The following NCKAP5 variants were observed in gnomAD, a reference collection of about 807,000 sequenced individuals.
NCKAP5 encodes the protein nck-associated protein 5.
Under a neutral mutation model 167.0 loss-of-function variants are expected in NCKAP5, and 92 were observed. The ratio of observed to expected loss-of-function variants is 0.55; its 90% confidence interval spans 0.47 to 0.66. The LOEUF (loss-of-function observed/expected upper bound fraction) is 0.66, where lower values mean the gene tolerates loss of function less well. Among genes scored for constraint, NCKAP5 ranks in the 30% least tolerant of loss-of-function variants. The pLI is 0.00. For synonymous variants in NCKAP5, 891 were observed against 877.4 expected (o/e 1.02, Z -0.27); for missense variants, 2,378 against 2,315.0 (o/e 1.03, Z -0.56).
intron 5 of NCKAP5, among the ~76,000 whole-genome samples, chr2:133,156,817 A>G (rs2083594516): frequency 6.6e-6 from 1 of 152,102 alleles, no homozygotes; most frequent in Non-Finnish European, 1.5e-5. Context: ...GTCTCTATTT[A>G]ACAGCTTCTT....
chr2:133,191,208 C>A (rs2085203476), intron 5 of NCKAP5, among the ~76,000 whole-genome samples: 1 of 152,094 alleles, frequency 6.6e-6, no homozygotes, highest in Admixed American at 6.5e-5. Flanking sequence ...AAATGCAAAT[C>A]AAAACCACAA....
chr2:132,682,827 T>C (rs2105051312), intron 19 of NCKAP5, among the ~76,000 whole-genome samples: 1 of 152,290 alleles, frequency 6.6e-6, no homozygotes, highest in Admixed American at 6.5e-5. Context: ...TTTCTTAACC[T>C]TTCTGAGTCT....
At chr2:132,709,783 T>C (rs944452619) in intron 19 of NCKAP5, among the ~76,000 whole-genome samples, 1 of 152,144 alleles carries the variant, frequency 6.6e-6, no homozygotes, top group Non-Finnish European at 1.5e-5. Context: ...TAAATCATTC[T>C]AACTTATACA....
At chr2:133,308,900 C>T (rs1325458029) in intron 3 of NCKAP5, among the ~76,000 whole-genome samples, 2 of 148,764 alleles carry the variant, frequency 1.3e-5, no homozygotes, top group Non-Finnish European at 3.0e-5. Context: ...TTAGTAGAGA[C>T]GGGGTTTCAC....
the NCKAP5 span, among the ~76,000 whole-genome samples, chr2:133,581,415 C>T: frequency 6.6e-6 from 1 of 152,160 alleles, no homozygotes; most frequent in African/African-American, 2.4e-5. Flanking sequence ...GGTGGAATCT[C>T]AATGGCTGTC....
chr2:133,611,079 G>C, the NCKAP5 span, among the ~76,000 whole-genome samples: 1 of 151,750 alleles, frequency 6.6e-6, no homozygotes, highest in South Asian at 2.1e-4. Flanking sequence ...CCAGAGAAGT[G>C]ACCTTGGATT....
At chr2:133,283,289 G>GT (rs966249741) in intron 4 of NCKAP5, among the ~76,000 whole-genome samples, 5 of 151,510 alleles carry the variant, frequency 3.3e-5, no homozygotes, top group Admixed American at 1.3e-4. Context: ...AGGAGAAATA[G>GT]TTTTTTTTTA....
At chr2:133,049,028 A>G (rs1422619945) in intron 6 of NCKAP5, among the ~76,000 whole-genome samples, 1 of 152,218 alleles carries the variant, frequency 6.6e-6, no homozygotes, top group Admixed American at 6.5e-5. Context: ...ACTTCCATTC[A>G]TTTATAAGAG....
At chr2:132,722,575 C>T (rs1329536330) in intron 19 of NCKAP5, among the ~76,000 whole-genome samples, 2 of 152,134 alleles carry the variant, frequency 1.3e-5, no homozygotes, top group African/African-American at 2.4e-5. Context: ...GCTTCAAATG[C>T]GGTTGATGTG....
chr2:133,618,247 A>C, the NCKAP5 span, among the ~76,000 whole-genome samples: 3 of 151,592 alleles, frequency 2.0e-5, no homozygotes, highest in South Asian at 2.1e-4. Flanking sequence ...GGCATGGGCA[A>C]GGACTTCATG....
intron 6 of NCKAP5, among the ~76,000 whole-genome samples, chr2:133,032,110 G>A (rs1054819250): frequency 6.6e-6 from 1 of 152,084 alleles, no homozygotes; most frequent in African/African-American, 2.4e-5. Flanking sequence ...AAAGGGCTTT[G>A]TCTTGTACCT....
At chr2:133,128,632 T>C (rs1443085356) in intron 6 of NCKAP5, among the ~76,000 whole-genome samples, 3 of 152,100 alleles carry the variant, frequency 2.0e-5, no homozygotes, top group African/African-American at 7.2e-5. Context: ...GAATCTTGCT[T>C]TGTTGCCGAG....
intron 3 of NCKAP5, among the ~76,000 whole-genome samples, chr2:133,387,411 A>C (rs1687063912): frequency 6.6e-6 from 1 of 152,218 alleles, no homozygotes; most frequent in South Asian, 2.1e-4. Flanking sequence ...CTGCCGAGAG[A>C]TCAGCTGTTA....
intron 3 of NCKAP5, among the ~76,000 whole-genome samples, chr2:133,407,459 G>A (rs558827434): frequency 4.2e-4 from 64 of 152,308 alleles, no homozygotes; most frequent in Non-Finnish European, 3.8e-4. Context: ...GCAAGCCTAG[G>A]AAGAAGTGTG....
chr2:133,401,242 G>A (rs1001990466), intron 3 of NCKAP5, among the ~76,000 whole-genome samples: 2 of 152,210 alleles, frequency 1.3e-5, no homozygotes, highest in Non-Finnish European at 2.9e-5. Context: ...TCCGGAGAGA[G>A]CATAGAAACT....
intron 4 of NCKAP5, among the ~76,000 whole-genome samples, chr2:133,235,681 G>C (rs1379781495): frequency 6.6e-6 from 1 of 152,052 alleles, no homozygotes; most frequent in Non-Finnish European, 1.5e-5. Context: ...AGGTGGCATG[G>C]ATCACCTGAG....
chr2:133,538,394 G>T (rs1685919878), intron 2 of NCKAP5, among the ~76,000 whole-genome samples: 1 of 152,100 alleles, frequency 6.6e-6, no homozygotes, highest in Non-Finnish European at 1.5e-5. Context: ...GATTTTTTTA[G>T]CCTAATTTGA....
chr2:132,765,376 A>G (rs1681376200), intron 16 of NCKAP5, among the ~76,000 whole-genome samples: 1 of 138,890 alleles, frequency 7.2e-6, no homozygotes, highest in Non-Finnish European at 1.5e-5. Flanking sequence ...AGTGAGTGGC[A>G]TGATCTCGGC....
intron 3 of NCKAP5, among the ~76,000 whole-genome samples, chr2:133,306,947 T>C (rs1680821398): frequency 1.3e-5 from 2 of 152,206 alleles, no homozygotes; most frequent in Admixed American, 6.5e-5. Context: ...TCCTGTCATC[T>C]AGGGAGAAAA....
Sources: allele counts gnomAD v4.1 joint callset (sites outside exome capture counted in the v4.1 genomes callset), GRCh38; gene constraint gnomAD v4.1.1; transcripts MANE v1.5; gene names NCBI Gene and HGNC (gene_info 2026-07-23, HGNC 2026-07-21).